The following TPRX1 variants were observed in gnomAD, a reference collection of about 807,000 sequenced individuals.
The protein encoded by TPRX1 is tetrapeptide repeat homeobox 1.
A neutral mutation model predicts 8.1 loss-of-function variants in TPRX1; 2 were observed. The observed-to-expected ratio is 0.25, with a 90% confidence interval of 0.10 to 0.78. TPRX1 has a LOEUF of 0.78. Among genes scored for constraint, TPRX1 ranks in the 30% least tolerant of loss-of-function variants. TPRX1 has a pLI of 0.70. For missense variants in TPRX1, 517 were observed against 586.9 expected (o/e 0.88, Z 1.23); for synonymous variants, 257 against 254.1 (o/e 1.01, Z -0.11).
At chr19:47,802,500 ATGGGCCTGAGAT>A in exon 4 of TPRX1, 30 of 1,349,324 alleles carry the variant, frequency 2.2e-5, no homozygotes, top group African/African-American at 1.9e-4. Flanking sequence ...GGGCCTGAGA[ATGGGCCTGAGAT>A]TGGGCCTGGG....
intron 2 of TPRX1, among the ~76,000 whole-genome samples, chr19:47,811,967 A>T (rs1174780396): frequency 6.6e-6 from 1 of 151,422 alleles, no homozygotes; most frequent in African/African-American, 2.4e-5. Context: ...CCTGGGCTCA[A>T]GCAATTCTCC....
intron 2 of TPRX1, among the ~76,000 whole-genome samples, chr19:47,814,054 T>A (rs1967809679): frequency 7.1e-6 from 1 of 140,654 alleles, no homozygotes; most frequent in African/African-American, 2.6e-5. Context: ...GGTGCCAACA[T>A]TGCTGATTTT....
At chr19:47,802,595 A>C (rs1328915912) in exon 4 of TPRX1, 1 of 1,546,628 alleles carries the variant, frequency 6.5e-7, no homozygotes, top group South Asian at 1.2e-5. Flanking sequence ...TGGGCCTGAA[A>C]TTGGGCCTGG....
At chr19:47,803,913 C>T (rs759687286) in intron 2 of TPRX1, among the ~76,000 whole-genome samples, 5 of 152,084 alleles carry the variant, frequency 3.3e-5, no homozygotes, top group Non-Finnish European at 5.9e-5. Context: ...CACCTCGGAG[C>T]AGACGGGGCT....
chr19:47,813,878 G>A (rs1967807454), intron 2 of TPRX1, among the ~76,000 whole-genome samples: 1 of 149,510 alleles, frequency 6.7e-6, no homozygotes, highest in African/African-American at 2.5e-5. Context: ...AGACCCAGGT[G>A]CCAGGACGGC....
At chr19:47,810,308 C>A (rs1967771024) in intron 2 of TPRX1, among the ~76,000 whole-genome samples, 2 of 121,720 alleles carry the variant, frequency 1.6e-5, no homozygotes, top group African/African-American at 3.0e-5. Context: ...TCCTTCAGAA[C>A]AGAAACAGAA....
chr19:47,818,213 C>A (rs1173739753), intron 2 of TPRX1, among the ~76,000 whole-genome samples: 5 of 150,838 alleles, frequency 3.3e-5, no homozygotes, highest in African/African-American at 4.9e-5. Context: ...ATCCATCACC[C>A]ATCCATCCAT....
At chr19:47,803,120 C>G (rs1599950412) in intron 3 of TPRX1, 140 bp from the exon 3 acceptor site, 3 of 734,040 alleles carry the variant, frequency 4.1e-6, no homozygotes, top group Non-Finnish European at 3.8e-6. Flanking sequence ...AAGAGGGCCC[C>G]GGCTCCAAGG....
chr19:47,806,140 T>G (rs1967733144), intron 2 of TPRX1, among the ~76,000 whole-genome samples: 1 of 152,068 alleles, frequency 6.6e-6, no homozygotes, highest in East Asian at 1.9e-4. Context: ...GGGAATTGGT[T>G]GAACCCGGGA....
intron 2 of TPRX1, among the ~76,000 whole-genome samples, chr19:47,806,078 C>G (rs1967732656): frequency 6.6e-6 from 1 of 151,904 alleles, no homozygotes; most frequent in Non-Finnish European, 1.5e-5. Context: ...CAAAAATTAG[C>G]TGGGCGTGGT....
At chr19:47,817,854 C>A (rs1040508362) in intron 2 of TPRX1, among the ~76,000 whole-genome samples, 1 of 152,230 alleles carries the variant, frequency 6.6e-6, no homozygotes, top group African/African-American at 2.4e-5. Context: ...AAGACCCTCC[C>A]GACTCAGCCA....
exon 4 of TPRX1, chr19:47,802,844 T>A: frequency 2.5e-6 from 4 of 1,601,474 alleles, no homozygotes; most frequent in Non-Finnish European, 3.4e-6. Context: ...GGGGCCCCGC[T>A]GAGGTGCGGA....
At chr19:47,817,919 G>C (rs1967859089) in intron 2 of TPRX1, among the ~76,000 whole-genome samples, 1 of 152,228 alleles carries the variant, frequency 6.6e-6, no homozygotes, top group Non-Finnish European at 1.5e-5. Flanking sequence ...GCATCCGTAG[G>C]CTCCTCTGTC....
At chr19:47,802,491 G>A (rs1157486704) in exon 4 of TPRX1, 2 of 1,545,558 alleles carry the variant, frequency 1.3e-6, no homozygotes, top group Non-Finnish European at 1.7e-6. Flanking sequence ...CCTGGGTTTG[G>A]GCCTGAGAAT....
intron 2 of TPRX1, among the ~76,000 whole-genome samples, chr19:47,807,547 A>G (rs1302165946): frequency 1.3e-5 from 2 of 151,394 alleles, no homozygotes; most frequent in African/African-American, 4.9e-5. Context: ...AATTTTTTCT[A>G]TTTTTAGTAG....
intron 2 of TPRX1, among the ~76,000 whole-genome samples, chr19:47,812,242 T>C (rs1400011987): frequency 3.9e-5 from 6 of 152,042 alleles, no homozygotes; most frequent in Non-Finnish European, 7.4e-5. Context: ...AGTTAACGGG[T>C]GCAGTCCTTG....
At chr19:47,811,595 T>A (rs939033422) in intron 2 of TPRX1, among the ~76,000 whole-genome samples, 8 of 151,060 alleles carry the variant, frequency 5.3e-5, no homozygotes, top group South Asian at 4.2e-4. Flanking sequence ...GCCTCCCGGA[T>A]TCAAGCGATT....
At chr19:47,802,481 C>T in exon 4 of TPRX1, 1 of 1,534,720 alleles carries the variant, frequency 6.5e-7, no homozygotes, top group East Asian at 2.5e-5. Flanking sequence ...TGGGATCGGG[C>T]CTGGGTTTGG....
At chr19:47,818,296 A>T (rs1480034026) in intron 2 of TPRX1, among the ~76,000 whole-genome samples, 1 of 129,210 alleles carries the variant, frequency 7.7e-6, no homozygotes, top group Non-Finnish European at 1.5e-5. Flanking sequence ...CCATCCATCC[A>T]TCCACCCATC....
Sources: allele counts gnomAD v4.1 joint callset (sites outside exome capture counted in the v4.1 genomes callset), GRCh38; gene constraint gnomAD v4.1.1; transcripts MANE v1.5; gene names NCBI Gene and HGNC (gene_info 2026-07-23, HGNC 2026-07-21).